Variants in IQCH observed in about 807,000 individuals in gnomAD.
IQCH encodes IQ domain-containing protein H.
IQCH carries 98 observed loss-of-function variants against 117.0 expected under a neutral mutation model. The observed-to-expected ratio is 0.84, with a 90% CI of 0.71 to 0.99. The LOEUF (loss-of-function observed/expected upper bound fraction) is 0.99, where lower values mean the gene tolerates loss of function less well. Among genes scored for constraint, IQCH ranks in the 50% least tolerant of loss-of-function variants. The pLI is 0.00. For missense variants in IQCH, 1,102 were observed against 1,243.8 expected, an observed-to-expected ratio of 0.89 and a Z score of 1.72; for synonymous variants, 412 against 448.2, an observed-to-expected ratio of 0.92 and a Z score of 1.02.
intron 17 of IQCH, among the ~76,000 whole-genome samples, chr15:67,469,671 C>T (rs1032196551): frequency 3.3e-5 from 5 of 152,202 alleles, no homozygotes; most frequent in Non-Finnish European, 7.3e-5. Flanking sequence ...GGGTGAGTAG[C>T]AAAGCCCTCC....
At chr15:67,266,325 T>C (rs1314206317) in intron 3 of IQCH, among the ~76,000 whole-genome samples, 2 of 152,158 alleles carry the variant, frequency 1.3e-5, no homozygotes, top group African/African-American at 4.8e-5. Context: ...ATCTTGTTAA[T>C]TATGATGGCT....
chr15:67,447,409 A>G lies in IQCH; in HGVS notation c.2506-17718A>G, dbSNP rs552741460. Among the ~76,000 whole-genome samples the G allele has an allele frequency of 1.4e-4, 22 of 152,342 alleles. No individual in the cohort carries two copies. Among genetic ancestry groups the G allele is most frequent in the Non-Finnish European group, 2.6e-4 (18 of 68,028 alleles). On this transcript the variant is annotated intron_variant, in intron 16 of 20. Transcript: ENST00000335894. The surrounding 1 kb of genome is among the most constrained non-coding windows in gnomAD (Gnocchi z 5.3). ...TCCTACAAACACGAGTCTGTAGGAA[A>G]CAGTGGCAAAGTCATGGAATCCAGA...
chr15:67,316,292 A>G (rs1567090327), intron 4 of IQCH, among the ~76,000 whole-genome samples: 1 of 152,306 alleles, frequency 6.6e-6, no homozygotes, highest in East Asian at 1.9e-4. Flanking sequence ...CCACTCATTT[A>G]AAAGTTTACT....
rs2082836549 is a variant in IQCH, at chr15:67,463,025, A to G, written c.2506-2102A>G. On this transcript the variant is annotated intron_variant, in intron 16 of 20. Transcript: ENST00000335894. This position sits in a 1 kb window ranked among gnomAD's most constrained non-coding sequence, Gnocchi z 4.0. ...GAATATGACTCCTGAAATTAGCTTT[A>G]GTTTAGCAAGGGGCCTTGACAGCTT... Among the ~76,000 whole-genome samples, 1 of 152,224 alleles carries G rather than the reference A, an allele frequency of 6.6e-6. No homozygotes were observed. Among genetic ancestry groups the G allele is most frequent in the South Asian group, 2.1e-4 (1 of 4,830 alleles).
intron 15 of IQCH, among the ~76,000 whole-genome samples, chr15:67,419,634 GC>G (rs542011823): frequency 1.5e-3 from 228 of 152,252 alleles, no homozygotes; most frequent in African/African-American, 5.4e-3. Flanking sequence ...GCTCACTGCA[GC>G]CTTGGCCTCC....
chr15:67,417,754 A>G lies in IQCH; in HGVS notation c.2218+703A>G, dbSNP rs1378817651. Among the ~76,000 whole-genome samples, 2 of 152,142 alleles carry G rather than the reference A, an allele frequency of 1.3e-5. No individual in the cohort carries two copies. The highest frequency in any genetic ancestry group is 1.9e-4 in the East Asian group (1 of 5,196). ...TGTTACACAGAGGCACACCTATGCA[A>G]CGGCCCTCAGTCTCTAGGAGGTTAC... is the stretch of plus-strand genomic sequence containing the variant. On this transcript the variant is annotated intron_variant, in intron 15 of 20. Transcript: ENST00000335894. This position sits in a 1 kb window ranked among gnomAD's most constrained non-coding sequence, Gnocchi z 4.3.
chr15:67,353,157 T>G (rs1168100115), intron 6 of IQCH, among the ~76,000 whole-genome samples: 4 of 135,152 alleles, frequency 3.0e-5, no homozygotes, highest in African/African-American at 5.5e-5. Flanking sequence ...AAAAAAAAAA[T>G]AAAGAAAAAA....
At chr15:67,324,154 G>C (rs191207366) in intron 4 of IQCH, among the ~76,000 whole-genome samples, 191 of 151,704 alleles carry the variant, frequency 1.3e-3, no homozygotes, top group Admixed American at 2.2e-3. Context: ...ATGTTGGCCA[G>C]GCTGCTGGTC....
In IQCH at chr15:67,384,923, G is replaced by C; in HGVS notation, c.1373-13G>C. 1.3e-6 allele frequency: 2 copies of C among 1,568,292 alleles called. No individual in the cohort carries two copies. Among genetic ancestry groups the C allele is most frequent in the Non-Finnish European group, 1.8e-6 (2 of 1,139,222 alleles). Reference sequence around the variant, plus strand: ...TGCTCTTTCTGTGTTTTGACACCTTGTTTGCCTTTTAGGGTATTCCCAGCC... The same window carrying C: ...TGCTCTTTCTGTGTTTTGACACCTTCTTTGCCTTTTAGGGTATTCCCAGCC... On this transcript the variant is annotated splice_polypyrimidine_tract_variant and intron_variant, in intron 10 of 20. Coordinates refer to ENST00000335894, the MANE Select transcript of IQCH (RefSeq NM_001031715.3). The surrounding 1 kb of genome is among the most constrained non-coding windows in gnomAD (Gnocchi z 4.3).
At chr15:67,358,158 CTTTTTT>C (rs71455547) in intron 7 of IQCH, among the ~76,000 whole-genome samples, 1 of 53,106 alleles carries the variant, frequency 1.9e-5, no homozygotes, top group Non-Finnish European at 3.7e-5. Flanking sequence ...CACGCCTGGC[CTTTTTT>C]TTTTTTTTTT....
chr15:67,272,519 G>T (rs992821525), intron 3 of IQCH, among the ~76,000 whole-genome samples: 1 of 152,048 alleles, frequency 6.6e-6, no homozygotes, highest in African/African-American at 2.4e-5. Flanking sequence ...CTGAAAGTGG[G>T]GTGCTAAAGT....
intron 14 of IQCH, among the ~76,000 whole-genome samples, chr15:67,402,159 A>G (rs1411455026): frequency 6.6e-6 from 1 of 152,232 alleles, no homozygotes; most frequent in Non-Finnish European, 1.5e-5. Flanking sequence ...ATTGGCACCA[A>G]ATACATTTGG....
chr15:67,487,429 A>AACAC (rs111875205), intron 18 of IQCH, among the ~76,000 whole-genome samples: 7,653 of 148,098 alleles, frequency 0.052, 221 homozygotes, highest in East Asian at 0.093. Flanking sequence ...ACTTAAGGAA[A>AACAC]ACACACACAC....
At position 67,416,542 on chromosome 15, in the gene IQCH, A is replaced by T. The variant is rs982870958; in HGVS notation, c.2098-389A>T. Among the ~76,000 whole-genome samples, 1 of 151,838 alleles carries T rather than the reference A, an allele frequency of 6.6e-6. No individual in the cohort carries two copies. Among genetic ancestry groups the T allele is most frequent in the African/African-American group, 2.4e-5 (1 of 41,292 alleles). On this transcript the variant is annotated intron_variant, in intron 14 of 20. Transcript: ENST00000335894. This position sits in a 1 kb window ranked among gnomAD's most constrained non-coding sequence, Gnocchi z 5.1. ...CAAAAAAAAAAAGAAAAAACAAAAAACAAAAACAAAAAAAACAGTTAACCC... is the reference window on the plus strand; with the variant it reads ...CAAAAAAAAAAAGAAAAAACAAAAATCAAAAACAAAAAAAACAGTTAACCC...
At chr15:67,367,215 T>A (rs1347417381) in intron 8 of IQCH, among the ~76,000 whole-genome samples, 5 of 152,234 alleles carry the variant, frequency 3.3e-5, no homozygotes, top group Admixed American at 2.0e-4. Context: ...GGAATTAGTT[T>A]GACAAATTGC....
At chr15:67,495,984 A>G (rs2083795549) in intron 20 of IQCH, among the ~76,000 whole-genome samples, 1 of 152,246 alleles carries the variant, frequency 6.6e-6, no homozygotes, top group Non-Finnish European at 1.5e-5. Context: ...CAGTTTTTAA[A>G]CAAGGATTTA....
intron 9 of IQCH, 109 bp downstream of exon 9, chr15:67,372,771 C>G (rs2140791975): frequency 1.1e-6 from 1 of 928,162 alleles, no homozygotes. Context: ...CAACTACTCT[C>G]CTTGCCTCAG....
chr15:67,423,870 AAAG>A (rs2081817345), intron 16 of IQCH, among the ~76,000 whole-genome samples: 2 of 152,062 alleles, frequency 1.3e-5, no homozygotes, highest in African/African-American at 4.8e-5. Context: ...AAAAAAAAGA[AAAG>A]AAAAAAGGAA....
chr15:67,443,353 ACTGATATGTGGGAG>A lies in IQCH; in HGVS notation c.2506-21771_2506-21758del. On this transcript the variant is annotated intron_variant, in intron 16 of 20. Transcript: ENST00000335894. This position sits in a 1 kb window ranked among gnomAD's most constrained non-coding sequence, Gnocchi z 5.0. ...GGAAAACCGGACATCGTATGTTCTC[ACTGATATGTGGGAG>A]CTAAGCTATGAGGATTCAAAGGCAT... 6.6e-6 allele frequency among the ~76,000 whole-genome samples: 1 copy of A among 152,112 alleles called. No homozygotes were observed. The highest frequency in any genetic ancestry group is 1.5e-5 in the Non-Finnish European group (1 of 68,026).
Sources: allele counts gnomAD v4.1 joint callset (sites outside exome capture counted in the v4.1 genomes callset), GRCh38; gene constraint gnomAD v4.1.1; non-coding constraint Gnocchi (gnomAD v3.1); transcripts MANE v1.5; gene names NCBI Gene and HGNC (gene_info 2026-07-23, HGNC 2026-07-21).